Variants in ARHGAP28 observed in about 807,000 individuals in gnomAD.
ARHGAP28 encodes the protein Rho GTPase activating protein 28.
In ARHGAP28, 56 loss-of-function variants were observed where a neutral mutation model predicts 90.7. That is an observed-to-expected ratio of 0.62 (90% CI 0.50 to 0.77). The LOEUF is 0.77. Ranked by LOEUF, ARHGAP28 falls within the 30% of genes least tolerant of loss-of-function variation. The pLI, the probability that ARHGAP28 is intolerant of heterozygous loss-of-function variation, is 0.00. For synonymous variants in ARHGAP28, 308 were observed against 323.3 expected (o/e 0.95, Z 0.51); for missense variants, 869 against 900.9 (o/e 0.96, Z 0.45).
chr18:6,776,448 C>G lies in ARHGAP28; in HGVS notation c.122+46505C>G, dbSNP rs117600264. 5.8e-3 allele frequency among the ~76,000 whole-genome samples: 878 copies of G among 152,250 alleles called. 8 individuals are homozygous for G. The highest frequency in any genetic ancestry group is 8.2e-3 in the Non-Finnish European group (558 of 68,022). On this transcript the variant is annotated intron_variant, in intron 1 of 17. Coordinates refer to ENST00000383472, the MANE Select transcript of ARHGAP28 (RefSeq NM_001366230.1). ...AAGGCTTGCTGCAGCAGCTGGCCAC[C>G]GGCTTGAGTATCACAGCCATTCAAG...
intron 1 of ARHGAP28, among the ~76,000 whole-genome samples, chr18:6,811,855 A>G (rs1600207440): frequency 6.6e-6 from 1 of 152,252 alleles, no homozygotes; most frequent in Middle Eastern, 3.4e-3. Context: ...ATTTTTGTCA[A>G]TGAATTAATA....
chr18:6,755,850 T>C (rs560300915), intron 1 of ARHGAP28, among the ~76,000 whole-genome samples: 11 of 152,314 alleles, frequency 7.2e-5, no homozygotes, highest in Non-Finnish European at 4.4e-5. Context: ...AAAATATCAA[T>C]TAAATCAATA....
intron 4 of ARHGAP28, 114 bp from the exon 5 acceptor site, chr18:6,859,694 G>C: frequency 9.5e-7 from 1 of 1,048,122 alleles, no homozygotes; most frequent in Non-Finnish European, 1.4e-6. Flanking sequence ...TGCACAGGCA[G>C]TCATAATTGC....
At chr18:6,820,438 G>C (rs1214361398) in intron 1 of ARHGAP28, among the ~76,000 whole-genome samples, 1 of 152,110 alleles carries the variant, frequency 6.6e-6, no homozygotes, top group Non-Finnish European at 1.5e-5. Flanking sequence ...CAAACAGCCT[G>C]ACAGTCATGT....
At chr18:6,801,434 A>G (rs1344546246) in intron 1 of ARHGAP28, among the ~76,000 whole-genome samples, 1 of 152,160 alleles carries the variant, frequency 6.6e-6, no homozygotes, top group Non-Finnish European at 1.5e-5. Context: ...GACACATAAT[A>G]TAAGTGTGCT....
chr18:6,808,528 T>A (rs1218130506), intron 1 of ARHGAP28, among the ~76,000 whole-genome samples: 1 of 152,218 alleles, frequency 6.6e-6, no homozygotes, highest in Non-Finnish European at 1.5e-5. Flanking sequence ...TTTGTTGTAT[T>A]TCCTTAAAGA....
chr18:6,799,211 T>C (rs1220307290), intron 1 of ARHGAP28, among the ~76,000 whole-genome samples: 1 of 152,120 alleles, frequency 6.6e-6, no homozygotes, highest in Non-Finnish European at 1.5e-5. Flanking sequence ...AAAAATACAA[T>C]GGTTTCTGCT....
intron 3 of ARHGAP28, among the ~76,000 whole-genome samples, chr18:6,841,250 T>TGTCTCCCTCCCTATCCCTTG (rs1378523112): frequency 4.6e-5 from 6 of 130,868 alleles, no homozygotes; most frequent in African/African-American, 1.8e-4. Context: ...ACCAATTGTG[T>TGTCTCCCTCCCTATCCCTTG]GTCTCCCTCC....
chr18:6,814,257 G>A (rs2056575791), intron 1 of ARHGAP28, among the ~76,000 whole-genome samples: 1 of 152,126 alleles, frequency 6.6e-6, no homozygotes, highest in African/African-American at 2.4e-5. Context: ...GAGGAGGAAA[G>A]CCAGTCCCAC....
chr18:6,748,910 C>T (rs1193185114), intron 1 of ARHGAP28, among the ~76,000 whole-genome samples: 1 of 152,132 alleles, frequency 6.6e-6, no homozygotes, highest in Non-Finnish European at 1.5e-5. Context: ...GCTGTGTGAT[C>T]TGCACAGGAG....
chr18:6,752,056 A>C (rs953965353), intron 1 of ARHGAP28, among the ~76,000 whole-genome samples: 1 of 152,344 alleles, frequency 6.6e-6, no homozygotes, highest in Admixed American at 6.5e-5. Context: ...AGAACAGAGT[A>C]ATTTGATTAT....
intron 1 of ARHGAP28, among the ~76,000 whole-genome samples, chr18:6,773,161 A>G (rs2056257243): frequency 6.6e-6 from 1 of 152,184 alleles, no homozygotes; most frequent in Admixed American, 6.5e-5. Context: ...TTATTCATTT[A>G]GCAGATATTT....
intron 2 of ARHGAP28, chr18:6,836,307 A>C (rs574910971): frequency 6.6e-6 from 1 of 152,512 alleles, no homozygotes; most frequent in African/African-American, 2.4e-5. Context: ...GCAATCAACA[A>C]GCAGGCAGGG....
chr18:6,890,092 G>C lies in ARHGAP28; in HGVS notation c.1734+7G>C. 6.2e-7 allele frequency: 1 copy of C among 1,614,088 alleles called. No homozygotes were observed. The highest frequency in any genetic ancestry group is 8.5e-7 in the Non-Finnish European group (1 of 1,179,984). On this transcript the variant is annotated splice_region_variant and intron_variant, in intron 13 of 17. Coordinates refer to ENST00000383472, the MANE Select transcript of ARHGAP28 (RefSeq NM_001366230.1). ...CCAGAAGATTTTGTGGAAGGTGAGT[G>C]ACATAGTGATGACAGGTCCCCCTCA...
chr18:6,851,059 C>G lies in ARHGAP28; in HGVS notation c.569C>G (p.Thr190Ser), dbSNP rs6506448. ...SPPRDTCGNHTNQLDGTKEER... is the reference protein window; with the variant it reads ...SPPRDTCGNHSNQLDGTKEER... ...CCTCGTGATACCTGTGGCAACCACA[C>G]TAATCAGCTGGATGGCACCAAGGAA... Residue 190 changes from threonine to serine, a missense_variant, in exon 4 of 18, where the codon ACT becomes AGT. By Grantham distance (58) the Thr-to-Ser change is moderately conservative (BLOSUM62 1). Coordinates refer to ENST00000383472, the MANE Select transcript of ARHGAP28 (RefSeq NM_001366230.1). 26,415 of 1,613,974 alleles carry G rather than the reference C, an allele frequency of 0.016. 2,347 individuals carry two copies. The East Asian group carries it at 0.28, about 17-fold the overall frequency.
intron 3 of ARHGAP28, among the ~76,000 whole-genome samples, chr18:6,841,170 CTCTCTCTCTCCTCTCT>C (rs2056812093): frequency 1.2e-5 from 1 of 81,126 alleles, no homozygotes; most frequent in African/African-American, 5.2e-5. Context: ...TCTCTCTCCT[CTCTCTCTCTCCTCTCT>C]CTCTCTCTCT....
At chr18:6,854,924 T>C (rs1468811016) in intron 4 of ARHGAP28, among the ~76,000 whole-genome samples, 1 of 152,188 alleles carries the variant, frequency 6.6e-6, no homozygotes, top group Non-Finnish European at 1.5e-5. Context: ...GCCCGGGCGC[T>C]GTTGCAACCC....
intron 1 of ARHGAP28, among the ~76,000 whole-genome samples, chr18:6,818,848 G>A (rs1465975609): frequency 6.6e-6 from 1 of 152,216 alleles, no homozygotes; most frequent in Non-Finnish European, 1.5e-5. Flanking sequence ...TGTAAGGTAA[G>A]ACTAGCAAAG....
At chr18:6,827,408 AG>A (rs1380132310) in intron 2 of ARHGAP28, among the ~76,000 whole-genome samples, 1 of 106,506 alleles carries the variant, frequency 9.4e-6, no homozygotes, top group East Asian at 3.1e-4. Context: ...GCTGGCCGGG[AG>A]GGGGGTTGAC....
Sources: allele counts gnomAD v4.1 joint callset (sites outside exome capture counted in the v4.1 genomes callset), GRCh38; gene constraint gnomAD v4.1.1; transcripts MANE v1.5; gene names NCBI Gene and HGNC (gene_info 2026-07-23, HGNC 2026-07-21).